The following YEATS4 variants were observed in gnomAD, a reference collection of about 807,000 sequenced individuals.
The protein encoded by YEATS4 is YEATS domain-containing protein 4.
YEATS4 carries 17 observed loss-of-function variants against 30.1 expected under a neutral mutation model. The ratio of observed to expected loss-of-function variants is 0.56; its 90% confidence interval spans 0.39 to 0.85. The LOEUF is 0.85. Ranked by LOEUF, YEATS4 falls within the 40% of genes least tolerant of loss-of-function variation. YEATS4 has a pLI of 0.00. For missense variants in YEATS4, 142 were observed against 268.3 expected (o/e 0.53, Z 3.29); for synonymous variants, 85 against 87.5 (o/e 0.97, Z 0.16).
chr12:69,390,945 CTT>C (rs1188326898), downstream of YEATS4: 1 of 152,194 alleles, frequency 6.6e-6, no homozygotes, highest in Non-Finnish European at 1.5e-5. Flanking sequence ...AAGATTATAT[CTT>C]AAGTTTTGTT....
chr12:69,371,044 G>A (rs1184053811), intron 6 of YEATS4, 69 bp downstream of exon 6: 9 of 1,480,200 alleles, frequency 6.1e-6, no homozygotes, highest in African/African-American at 1.4e-5. Context: ...TGTATGATTC[G>A]TGCCTTTTAC....
At chr12:69,413,261 T>G in the YEATS4 span, among the ~76,000 whole-genome samples, 2 of 149,892 alleles carry the variant, frequency 1.3e-5, no homozygotes, top group Admixed American at 1.3e-4. Flanking sequence ...AACAGTGTTT[T>G]AGAAATCAGC....
At chr12:69,372,202 A>G (rs1404863047) in intron 6 of YEATS4, among the ~76,000 whole-genome samples, 37 of 152,148 alleles carry the variant, frequency 2.4e-4, no homozygotes, top group Non-Finnish European at 2.9e-4. Context: ...AAAATGTTTA[A>G]TTTTGTGGGT....
the YEATS4 span, among the ~76,000 whole-genome samples, chr12:69,425,964 C>T: frequency 1.3e-5 from 2 of 152,188 alleles, no homozygotes; most frequent in African/African-American, 2.4e-5. Context: ...CAATATTAGG[C>T]CAGGTGTGGT....
At chr12:69,376,086 G>T (rs1479072024) in intron 6 of YEATS4, among the ~76,000 whole-genome samples, 2 of 152,086 alleles carry the variant, frequency 1.3e-5, no homozygotes, top group East Asian at 3.9e-4. Context: ...TCATCTACAG[G>T]CTGGGTGTGG....
the YEATS4 span, among the ~76,000 whole-genome samples, chr12:69,402,102 C>T: frequency 6.6e-6 from 1 of 152,112 alleles, no homozygotes; most frequent in African/African-American, 2.4e-5. Flanking sequence ...GGGAAGTGCT[C>T]CATGGCATTT....
chr12:69,398,991 C>T, the YEATS4 span, among the ~76,000 whole-genome samples: 1 of 150,102 alleles, frequency 6.7e-6, no homozygotes, highest in African/African-American at 2.5e-5. Context: ...TCTACTAATA[C>T]AAAAAATTAG....
intron 2 of YEATS4, 41 bp from the exon 3 acceptor site, chr12:69,365,592 C>T: frequency 1.4e-6 from 2 of 1,434,016 alleles, no homozygotes; most frequent in Non-Finnish European, 1.9e-6. Context: ...TCCTAGTTTT[C>T]ATTTGTAGAT....
the YEATS4 span, among the ~76,000 whole-genome samples, chr12:69,419,257 G>C: frequency 8.8e-6 from 1 of 114,074 alleles, no homozygotes. Flanking sequence ...GTCTCACTCT[G>C]TTGCCCAGGC....
chr12:69,416,571 G>A, the YEATS4 span, among the ~76,000 whole-genome samples: 1 of 152,124 alleles, frequency 6.6e-6, no homozygotes, highest in African/African-American at 2.4e-5. Context: ...TCAAAGGGCA[G>A]CCCAAGAAGC....
chr12:69,392,240 T>C (rs2121094787), downstream of YEATS4, among the ~76,000 whole-genome samples: 1 of 152,310 alleles, frequency 6.6e-6, no homozygotes, highest in East Asian at 1.9e-4. Flanking sequence ...CCCAAAAAAG[T>C]TGATGAGGCT....
chr12:69,360,207 T>A (rs1875136696), intron 1 of YEATS4, among the ~76,000 whole-genome samples, 184 bp downstream of exon 1: 1 of 152,040 alleles, frequency 6.6e-6, no homozygotes, highest in Non-Finnish European at 1.5e-5. Context: ...GGGCCCCAAC[T>A]TCCTCGCGTC....
chr12:69,420,345 G>A, the YEATS4 span, among the ~76,000 whole-genome samples: 1 of 151,818 alleles, frequency 6.6e-6, no homozygotes, highest in African/African-American at 2.4e-5. Context: ...GATGTGCAAA[G>A]GAAAGGGTTA....
chr12:69,407,581 A>G, the YEATS4 span, among the ~76,000 whole-genome samples: 2 of 152,002 alleles, frequency 1.3e-5, no homozygotes, highest in African/African-American at 2.4e-5. Flanking sequence ...TGGACTTGTG[A>G]AGGGCCCAGA....
intron 6 of YEATS4, among the ~76,000 whole-genome samples, chr12:69,374,359 C>G (rs1875759441): frequency 1.3e-5 from 2 of 151,366 alleles, no homozygotes; most frequent in African/African-American, 4.9e-5. Context: ...TGGTTAATTC[C>G]TAGTTATTTA....
intron 6 of YEATS4, among the ~76,000 whole-genome samples, chr12:69,371,946 G>A (rs967349347): frequency 6.6e-6 from 1 of 152,196 alleles, no homozygotes; most frequent in Non-Finnish European, 1.5e-5. Flanking sequence ...GATATTATAT[G>A]TAGAGGGAGC....
chr12:69,419,174 C>G, the YEATS4 span, among the ~76,000 whole-genome samples: 34 of 149,364 alleles, frequency 2.3e-4, no homozygotes, highest in African/African-American at 7.8e-4. Flanking sequence ...TAAATTCTCC[C>G]TATGCTTTGT....
chr12:69,404,440 G>T, the YEATS4 span, among the ~76,000 whole-genome samples: 1 of 152,148 alleles, frequency 6.6e-6, no homozygotes. Flanking sequence ...AGGTGGGTTA[G>T]TTATTTTGGG....
chr12:69,426,241 A>AAAT, the YEATS4 span, among the ~76,000 whole-genome samples: 3 of 152,058 alleles, frequency 2.0e-5, no homozygotes, highest in Non-Finnish European at 2.9e-5. Context: ...ACCCTATCTC[A>AAAT]AATAATAATA....
Sources: gnomAD v4.1 joint callset for allele counts (sites outside exome capture counted in the v4.1 genomes callset) on GRCh38, gnomAD v4.1.1 for gene constraint, MANE v1.5 for transcripts, NCBI Gene and HGNC (gene_info 2026-07-23, HGNC 2026-07-21) for gene names.